The following MAN2A1 variants were observed in gnomAD, a reference collection of about 807,000 sequenced individuals.
MAN2A1 encodes the protein mannosidase alpha class 2A member 1.
MAN2A1 carries 76 observed loss-of-function variants against 142.6 expected under a neutral mutation model. That is an observed-to-expected ratio of 0.53 (90% CI 0.44 to 0.65). The LOEUF (loss-of-function observed/expected upper bound fraction) is 0.65. Ranked by LOEUF, MAN2A1 falls within the 30% of genes least tolerant of loss-of-function variation. The pLI is 0.00. For missense variants in MAN2A1, 1,311 were observed against 1,365.1 expected (o/e 0.96, Z 0.62); for synonymous variants, 559 against 473.2 (o/e 1.18, Z -2.35).
Position 109,819,903 on chromosome 5 carries a change from T to C in MAN2A1, c.2328+16T>C, listed in dbSNP as rs536737008. 1 of 1,483,818 alleles carries C rather than the reference T, an allele frequency of 6.7e-7. No individual in the cohort carries two copies. The highest frequency in any genetic ancestry group is 2.3e-5 in the East Asian group (1 of 43,302). The allele number at this position is 1,483,818 out of a possible 1,614,324, so 91.9% of individuals were successfully genotyped here. On this transcript the variant is annotated intron_variant, in intron 14 of 21. Coordinates refer to ENST00000261483, the MANE Select transcript of MAN2A1 (RefSeq NM_002372.4). Reference sequence around the variant, plus strand: ...ACTTATGAAGGTATGTTCTGAATAGTTCTAAAATTCATAGAATGCTTATCA... The same window carrying C: ...ACTTATGAAGGTATGTTCTGAATAGCTCTAAAATTCATAGAATGCTTATCA...
At chr5:109,740,959 A>G (rs1752252556) in intron 4 of MAN2A1, among the ~76,000 whole-genome samples, 1 of 152,094 alleles carries the variant, frequency 6.6e-6, no homozygotes, top group Non-Finnish European at 1.5e-5. Flanking sequence ...TAAAATTGCC[A>G]ATATTTGACT....
At chr5:109,830,197 A>G (rs545795728) in intron 16 of MAN2A1, among the ~76,000 whole-genome samples, 84 of 152,326 alleles carry the variant, frequency 5.5e-4, no homozygotes, top group African/African-American at 1.9e-3. Context: ...TGCATTTTCC[A>G]TGAAACTTTT....
chr5:109,690,688 T>C, intron 1 of MAN2A1, 136 bp downstream of exon 1: 1 of 997,970 alleles, frequency 1.0e-6, no homozygotes, highest in Non-Finnish European at 1.5e-6. Context: ...TCTGTAGCTC[T>C]CGGACGGCAA....
chr5:109,756,459 G>T (rs1304425669), intron 5 of MAN2A1, among the ~76,000 whole-genome samples: 1 of 151,868 alleles, frequency 6.6e-6, no homozygotes, highest in African/African-American at 2.4e-5. Context: ...TTAAAAAATT[G>T]TCCCTTAGAG....
intron 4 of MAN2A1, among the ~76,000 whole-genome samples, chr5:109,729,791 A>C (rs1751850295): frequency 6.6e-6 from 1 of 152,136 alleles, no homozygotes; most frequent in Admixed American, 6.6e-5. Context: ...GCAGGAGTTC[A>C]AGACCACTCT....
intron 16 of MAN2A1, among the ~76,000 whole-genome samples, chr5:109,828,127 G>GAAA (rs1430424657): frequency 2.8e-5 from 3 of 105,442 alleles, no homozygotes; most frequent in Admixed American, 1.0e-4. Flanking sequence ...AAGAAAAAAA[G>GAAA]AAAAAAAATT....
intron 4 of MAN2A1, among the ~76,000 whole-genome samples, chr5:109,734,847 G>T (rs1218476303): frequency 1.3e-5 from 2 of 152,190 alleles, no homozygotes; most frequent in Non-Finnish European, 2.9e-5. Flanking sequence ...TGTATATTCT[G>T]TTGATTTGGG....
rs1755907243 is a variant in MAN2A1, at chr5:109,867,156, A to AG, written c.*159dup. 1.0e-5 allele frequency: 2 copies of AG among 197,032 alleles called. No individual in the cohort carries two copies. Among genetic ancestry groups the AG allele is most frequent in the African/African-American group, 3.4e-5 (1 of 29,492 alleles). 12.2% of individuals were successfully genotyped at this position (197,032 alleles called of 1,614,324 possible). ...TCTTTTTTCTTTTACCAGTACAGTA[A>AG]GAAAAAAAAAAAAAAAAAAAAAGCC... is the stretch of plus-strand genomic sequence containing the variant. On this transcript the variant is annotated 3_prime_UTR_variant, in exon 22 of 22. Coordinates refer to ENST00000261483, the MANE Select transcript of MAN2A1 (RefSeq NM_002372.4).
chr5:109,777,364 T>A (rs1181342387), intron 8 of MAN2A1, among the ~76,000 whole-genome samples: 1 of 152,114 alleles, frequency 6.6e-6, no homozygotes, highest in Non-Finnish European at 1.5e-5. Context: ...TTGAGTATCC[T>A]CTTTTGTGAA....
chr5:109,710,629 C>T (rs1392922446), intron 1 of MAN2A1, among the ~76,000 whole-genome samples: 2 of 152,082 alleles, frequency 1.3e-5, no homozygotes, highest in Non-Finnish European at 2.9e-5. Flanking sequence ...GTCAGCCTTC[C>T]GAGTATCTGG....
chr5:109,750,926 C>G (rs896429577), intron 4 of MAN2A1, among the ~76,000 whole-genome samples: 2 of 151,970 alleles, frequency 1.3e-5, no homozygotes, highest in African/African-American at 4.8e-5. Context: ...GTGTAATGAT[C>G]AAGTCAGGGT....
intron 19 of MAN2A1, among the ~76,000 whole-genome samples, chr5:109,848,376 G>C (rs1755394758): frequency 1.3e-5 from 2 of 152,176 alleles, no homozygotes; most frequent in African/African-American, 2.4e-5. Context: ...TTCTCCGTAA[G>C]TTATTGATCC....
At position 109,855,357 on chromosome 5, in the gene MAN2A1, T is replaced by TA. The variant is rs534121828; in HGVS notation, c.3171+29dup. 4.2e-6 allele frequency: 6 copies of TA among 1,433,700 alleles called. No homozygotes were observed. In the African/African-American group the frequency reaches 8.8e-5, roughly 21 times the overall value. The allele number at this position is 1,433,700 out of a possible 1,614,324, so 88.8% of individuals were successfully genotyped here. On this transcript the variant is annotated intron_variant, in intron 20 of 21. Coordinates refer to ENST00000261483, the MANE Select transcript of MAN2A1 (RefSeq NM_002372.4). ...AAGGTATGTCTCAAAATATATCTTATAAAAAATTACTGTTTATTATGTACT... is the reference window on the plus strand; with the variant it reads ...AAGGTATGTCTCAAAATATATCTTATAAAAAAATTACTGTTTATTATGTACT...
At chr5:109,808,405 T>C (rs1754228400) in intron 12 of MAN2A1, among the ~76,000 whole-genome samples, 2 of 152,156 alleles carry the variant, frequency 1.3e-5, no homozygotes, top group Non-Finnish European at 2.9e-5. Flanking sequence ...TAGAATTTTA[T>C]ATATTTTTAT....
intron 16 of MAN2A1, 85 bp downstream of exon 16, chr5:109,823,922 G>A (rs1057144351): frequency 2.0e-5 from 12 of 606,384 alleles, no homozygotes; most frequent in Non-Finnish European, 3.3e-5. Context: ...TAAATTAACA[G>A]TTGGTTTTTG....
intron 4 of MAN2A1, among the ~76,000 whole-genome samples, chr5:109,746,857 A>G (rs1452308509): frequency 6.6e-6 from 1 of 152,146 alleles, no homozygotes; most frequent in African/African-American, 2.4e-5. Flanking sequence ...ACGTAGAATC[A>G]TATAATTTTT....
At chr5:109,735,157 G>A (rs60193383) in intron 4 of MAN2A1, among the ~76,000 whole-genome samples, 1 of 151,500 alleles carries the variant, frequency 6.6e-6, no homozygotes, top group Non-Finnish European at 1.5e-5. Context: ...GATCTTTGTT[G>A]GTTTAAAGTC....
At position 109,735,512 on chromosome 5, in the gene MAN2A1, G is replaced by A. The variant is rs553800559; in HGVS notation, c.707+5999G>A. ...GCATGATTTTGCAGTGGCTGGTACC[G>A]GTTGTTCCTTTCCATGTTTAGTGCT... On this transcript the variant is annotated intron_variant, in intron 4 of 21. Transcript: ENST00000261483. Among the ~76,000 whole-genome samples, 10 of 152,194 alleles carry A rather than the reference G, an allele frequency of 6.6e-5. No individual in the cohort carries two copies. In the East Asian group the frequency reaches 7.7e-4, roughly 12 times the overall value.
chr5:109,842,621 T>C (rs1311114115), intron 17 of MAN2A1, among the ~76,000 whole-genome samples, 160 bp downstream of exon 17: 1 of 152,126 alleles, frequency 6.6e-6, no homozygotes, highest in East Asian at 1.9e-4. Flanking sequence ...TTTCGGGTTC[T>C]ACAGTTAGAA....
Sources: gnomAD v4.1 joint callset for allele counts (sites outside exome capture counted in the v4.1 genomes callset) on GRCh38, gnomAD v4.1.1 for gene constraint, MANE v1.5 for transcripts, NCBI Gene and HGNC (gene_info 2026-07-23, HGNC 2026-07-21) for gene names.